The following TSGA10 variants were observed in gnomAD, a reference collection of about 807,000 sequenced individuals.
The protein encoded by TSGA10 is testis-specific gene 10 protein.
A neutral mutation model predicts 96.6 loss-of-function variants in TSGA10; 43 were observed. That is an observed-to-expected ratio of 0.44 (90% CI 0.35 to 0.57). The LOEUF (loss-of-function observed/expected upper bound fraction) is 0.57. Among genes scored for constraint, TSGA10 ranks in the 20% least tolerant of loss-of-function variants. TSGA10 has a pLI of 0.01. For synonymous variants in TSGA10, 229 were observed against 269.9 expected, an observed-to-expected ratio of 0.85 and a Z score of 1.48; for missense variants, 703 against 834.4, an observed-to-expected ratio of 0.84 and a Z score of 1.94.
intron 10 of TSGA10, among the ~76,000 whole-genome samples, chr2:99,103,307 T>C (rs1050735394): frequency 2.0e-5 from 3 of 152,202 alleles, no homozygotes; most frequent in African/African-American, 4.8e-5. Flanking sequence ...TCAATGTTCA[T>C]AGATGCAATG....
At chr2:99,055,543 C>T (rs182209694) in intron 16 of TSGA10, among the ~76,000 whole-genome samples, 5 of 151,620 alleles carry the variant, frequency 3.3e-5, no homozygotes, top group African/African-American at 1.2e-4. Flanking sequence ...AATCATTTCA[C>T]AATTTATACA....
chr2:99,078,898 TCTC>T, intron 11 of TSGA10, 85 bp from the exon 12 acceptor site: 1 of 1,103,924 alleles, frequency 9.1e-7, no homozygotes, highest in Non-Finnish European at 1.3e-6. Context: ...TTTTTGAACT[TCTC>T]CTTACTTCTA....
At chr2:99,118,998 A>C (rs1350086773) in intron 2 of TSGA10, among the ~76,000 whole-genome samples, 2 of 152,150 alleles carry the variant, frequency 1.3e-5, no homozygotes, top group African/African-American at 4.8e-5. Context: ...AACAAAAAAA[A>C]ACACTCGCAC....
At chr2:99,140,991 C>T in intron 1 of TSGA10, 3 of 1,015,706 alleles carry the variant, frequency 3.0e-6, no homozygotes, top group Non-Finnish European at 3.8e-6. Context: ...GCCCCGCACC[C>T]GCCACTCCTG....
At chr2:99,008,836 T>C (rs1365394914) in intron 20 of TSGA10, among the ~76,000 whole-genome samples, 2 of 152,054 alleles carry the variant, frequency 1.3e-5, no homozygotes, top group Non-Finnish European at 2.9e-5. Context: ...AGTGTGCACC[T>C]GAAAAAAAGG....
chr2:99,149,949 C>T (rs1034241658), intron 1 of TSGA10, among the ~76,000 whole-genome samples: 3 of 151,984 alleles, frequency 2.0e-5, no homozygotes, highest in South Asian at 2.1e-4. Flanking sequence ...CATGCCACCA[C>T]ACCCAGCTAA....
chr2:99,097,896 G>T (rs556436199), intron 10 of TSGA10, among the ~76,000 whole-genome samples: 5 of 152,056 alleles, frequency 3.3e-5, no homozygotes, highest in African/African-American at 1.2e-4. Context: ...AAGAAAATTG[G>T]TATAGCTATG....
intron 10 of TSGA10, among the ~76,000 whole-genome samples, chr2:99,086,656 C>T (rs1471487836): frequency 6.6e-6 from 1 of 152,140 alleles, no homozygotes; most frequent in Non-Finnish European, 1.5e-5. Flanking sequence ...GGCTGAATTG[C>T]TTTCCTTCCA....
At chr2:99,095,675 T>C (rs1384272419) in intron 10 of TSGA10, among the ~76,000 whole-genome samples, 1 of 152,198 alleles carries the variant, frequency 6.6e-6, no homozygotes, top group African/African-American at 2.4e-5. Context: ...AGAGTTTCGC[T>C]CTGTCACCAG....
chr2:99,029,373 T>G (rs2080936376), intron 17 of TSGA10, among the ~76,000 whole-genome samples: 1 of 152,124 alleles, frequency 6.6e-6, no homozygotes, highest in Non-Finnish European at 1.5e-5. Context: ...CCAGGGTATA[T>G]TATATAGTGT....
chr2:99,071,665 T>G, intron 14 of TSGA10, 41 bp downstream of exon 14: 1 of 1,503,234 alleles, frequency 6.7e-7, no homozygotes, highest in East Asian at 2.3e-5. Flanking sequence ...GAAATTCATA[T>G]TTTTTTTTCT....
intron 20 of TSGA10, among the ~76,000 whole-genome samples, chr2:99,000,841 G>C (rs1227076368): frequency 6.6e-6 from 1 of 152,182 alleles, no homozygotes; most frequent in Non-Finnish European, 1.5e-5. Flanking sequence ...ATGGCTCGGT[G>C]GGTCCCACAC....
intron 10 of TSGA10, among the ~76,000 whole-genome samples, 194 bp downstream of exon 10, chr2:99,103,773 T>C (rs994376516): frequency 2.0e-4 from 31 of 152,230 alleles, no homozygotes; most frequent in Non-Finnish European, 1.3e-4. Flanking sequence ...TGATTCCTAG[T>C]TAAGTGTGGC....
chr2:99,072,943 C>A, intron 13 of TSGA10, 75 bp downstream of exon 13: 1 of 1,034,168 alleles, frequency 9.7e-7, no homozygotes, highest in Non-Finnish European at 1.5e-6. Flanking sequence ...CCCCTTGTTT[C>A]TTACTATCTT....
At chr2:99,112,544 CT>C (rs11354035) in intron 4 of TSGA10, among the ~76,000 whole-genome samples, 77,030 of 151,620 alleles carry the variant, frequency 0.51, 21,451 homozygotes, top group Middle Eastern at 0.71. Context: ...TCAGGAAGTC[CT>C]CATTGAAAGG....
intron 20 of TSGA10, among the ~76,000 whole-genome samples, 193 bp downstream of exon 20, chr2:99,018,006 CT>C (rs1251575298): frequency 6.6e-6 from 1 of 151,852 alleles, no homozygotes; most frequent in Non-Finnish European, 1.5e-5. Context: ...AATATTAGAC[CT>C]TTCACTTTAG....
At chr2:99,070,686 C>T (rs923702576) in intron 14 of TSGA10, among the ~76,000 whole-genome samples, 5 of 152,106 alleles carry the variant, frequency 3.3e-5, no homozygotes, top group Non-Finnish European at 7.4e-5. Flanking sequence ...TATGCTCTAG[C>T]TGTAAAGAGT....
chr2:99,095,791 C>A (rs2089973770), intron 10 of TSGA10, among the ~76,000 whole-genome samples: 1 of 152,232 alleles, frequency 6.6e-6, no homozygotes, highest in Non-Finnish European at 1.5e-5. Flanking sequence ...CAGGCACACG[C>A]CACCACGCCC....
Position 99,020,407 on chromosome 2 carries a change from T to A in TSGA10, c.1690A>T (p.Met564Leu), listed in dbSNP as rs372217321. The A allele has an allele frequency of 6.2e-6, 10 of 1,613,828 alleles. No individual in the cohort carries two copies. The highest frequency in any genetic ancestry group is 8.5e-6 in the Non-Finnish European group (10 of 1,179,904). The stretch of plus-strand genomic sequence containing the variant: ...ACCAGCAAAGCTTCTAGATTCTGCA[T>A]GGAGATTCTCTCATTTGCCATCTGA... ...RSQMANERIS[M>L]QNLEALLVAN... The change falls in exon 18 of 21, where the codon ATG (methionine) becomes TTG (leucine). Residue 564 changes from methionine (M) to leucine (L), a missense_variant. Physicochemically the swap from Met to Leu is conservative, Grantham distance 15 (BLOSUM62 2). This residue lies in a region of TSGA10 where 49 missense variants were observed against 96.4 expected (regional missense o/e 0.51). Coordinates refer to ENST00000393483, the MANE Select transcript of TSGA10 (RefSeq NM_025244.4).
Sources: allele counts gnomAD v4.1 joint callset (sites outside exome capture counted in the v4.1 genomes callset), GRCh38; gene constraint gnomAD v4.1.1; regional missense constraint gnomAD v4.1.1; transcripts MANE v1.5; gene names NCBI Gene and HGNC (gene_info 2026-07-23, HGNC 2026-07-21).